The following TMEM87A variants were observed in gnomAD, a reference collection of about 807,000 sequenced individuals.
TMEM87A encodes the protein transmembrane protein 87A, also known as Golgi-pH regulating cation channel.
In TMEM87A, 50 loss-of-function variants were observed where a neutral mutation model predicts 90.0. The observed-to-expected ratio is 0.56, with a 90% CI of 0.44 to 0.70. The LOEUF is 0.70. Among genes scored for constraint, TMEM87A ranks in the 30% least tolerant of loss-of-function variants. The pLI is 0.00. For missense variants in TMEM87A, 577 were observed against 660.5 expected (o/e 0.87, Z 1.39); for synonymous variants, 226 against 226.7 (o/e 1.00, Z 0.03).
chr15:42,229,999 T>C (rs2050661335), intron 12 of TMEM87A, among the ~76,000 whole-genome samples: 1 of 152,158 alleles, frequency 6.6e-6, no homozygotes, highest in Admixed American at 6.5e-5. Flanking sequence ...TGAATTTTTG[T>C]ATTTTTTGTA....
intron 12 of TMEM87A, 140 bp from the exon 13 acceptor site, chr15:42,228,960 T>C: frequency 3.6e-6 from 2 of 562,234 alleles, no homozygotes; most frequent in South Asian, 4.8e-5. Context: ...TTATTCTCAC[T>C]TAATCTCACA....
intron 12 of TMEM87A, among the ~76,000 whole-genome samples, chr15:42,229,470 T>C (rs985800381): frequency 6.6e-6 from 1 of 151,288 alleles, no homozygotes; most frequent in Non-Finnish European, 1.5e-5. Flanking sequence ...GAAGATAAAG[T>C]GAACATGAGT....
chr15:42,211,501 C>T lies in TMEM87A; in HGVS notation c.*207G>A, dbSNP rs979655862. On this transcript the variant is annotated 3_prime_UTR_variant, in exon 20 of 20. Coordinates refer to ENST00000389834, the MANE Select transcript of TMEM87A (RefSeq NM_015497.5). Reference sequence around the variant, plus strand: ...GCAGCAGTGTTGTAAATAAGAAGCTCGTAGATTTTTCTCATCTTATGAACT... The same window carrying T: ...GCAGCAGTGTTGTAAATAAGAAGCTTGTAGATTTTTCTCATCTTATGAACT... 7 of 509,094 alleles carry T rather than the reference C, an allele frequency of 1.4e-5. No individual in the cohort carries two copies. Among genetic ancestry groups the T allele is most frequent in the Middle Eastern group, 3.6e-4 (1 of 2,766 alleles). 31.5% of individuals were successfully genotyped at this position (509,094 alleles called of 1,614,324 possible). A position where few individuals can be genotyped will look rare whatever the true frequency, so the allele number is the denominator to read the frequency against.
chr15:42,219,468 A>C (rs1365610755), intron 17 of TMEM87A, 113 bp downstream of exon 17: 2 of 844,174 alleles, frequency 2.4e-6, no homozygotes, highest in Non-Finnish European at 3.6e-6. Flanking sequence ...TACAAAAAAA[A>C]ATCATTGCCA....
intron 19 of TMEM87A, among the ~76,000 whole-genome samples, chr15:42,217,114 C>T (rs999948987): frequency 5.9e-5 from 9 of 151,892 alleles, no homozygotes; most frequent in South Asian, 2.1e-4. Flanking sequence ...CCACCATCTC[C>T]GGCTAATTTT....
In TMEM87A at chr15:42,232,709, T is replaced by C. The variant is rs576673633; in HGVS notation, c.1062+504A>G. Reference sequence around the variant, plus strand: ...ATGTTAGCCAGGATGGTCTTGATCTTCTGACCTAGTGATCCGCCTGCCTCG... The same window carrying C: ...ATGTTAGCCAGGATGGTCTTGATCTCCTGACCTAGTGATCCGCCTGCCTCG... On this transcript the variant is annotated intron_variant, in intron 11 of 19. Coordinates refer to ENST00000389834, the MANE Select transcript of TMEM87A (RefSeq NM_015497.5). Among the ~76,000 whole-genome samples the C allele has an allele frequency of 1.8e-3, 271 of 151,964 alleles. 2 individuals are homozygous for C. In the East Asian group the frequency reaches 0.046, roughly 26 times the overall value.
At chr15:42,243,288 A>G (rs2050907064) in intron 7 of TMEM87A, among the ~76,000 whole-genome samples, 1 of 78,360 alleles carries the variant, frequency 1.3e-5, no homozygotes, top group African/African-American at 3.5e-5. Context: ...AAATAAATAA[A>G]TAAATAAATA....
rs759547423 is a variant in TMEM87A, at chr15:42,237,449, C to T, written c.851G>A (p.Arg284Gln). The T allele has an allele frequency of 6.9e-5, 112 of 1,613,806 alleles. No homozygotes were observed. Among genetic ancestry groups the T allele is most frequent in the Non-Finnish European group, 8.1e-5 (95 of 1,179,964 alleles). ...AVFYAEFQNIRYKGESVQGAL... is the reference protein window; with the variant it reads ...AVFYAEFQNIQYKGESVQGAL... Reference sequence around the variant, plus strand: ...TTACTTACCAGATTCTCCTTTGTATCGGATATTCTGAAATTCCGCATAGAA... The same window carrying T: ...TTACTTACCAGATTCTCCTTTGTATTGGATATTCTGAAATTCCGCATAGAA... The change falls in exon 9 of 20, where the codon CGA (arginine) becomes CAA (glutamine). Residue 284 changes from arginine (R) to glutamine (Q), a missense_variant. Coordinates refer to ENST00000389834, the MANE Select transcript of TMEM87A (RefSeq NM_015497.5).
At chr15:42,272,344 A>T (rs1442099504) in intron 1 of TMEM87A, among the ~76,000 whole-genome samples, 2 of 152,250 alleles carry the variant, frequency 1.3e-5, no homozygotes, top group Non-Finnish European at 2.9e-5. Context: ...TTTATTTTCA[A>T]ATCTAAAAAG....
chr15:42,240,766 T>C (rs190762417), intron 7 of TMEM87A, among the ~76,000 whole-genome samples: 26 of 152,312 alleles, frequency 1.7e-4, no homozygotes, highest in African/African-American at 6.0e-4. Flanking sequence ...TAGCTTCTGA[T>C]ATACCATTAT....
In TMEM87A at chr15:42,211,505, G is replaced by T; in HGVS notation, c.*203C>A. On this transcript the variant is annotated 3_prime_UTR_variant, in exon 20 of 20. Transcript: ENST00000389834. ...CAGTGTTGTAAATAAGAAGCTCGTAGATTTTTCTCATCTTATGAACTTGTT... is the reference window on the plus strand; with the variant it reads ...CAGTGTTGTAAATAAGAAGCTCGTATATTTTTCTCATCTTATGAACTTGTT... 1 of 522,774 alleles carries T rather than the reference G, an allele frequency of 1.9e-6. No homozygotes were observed. The highest frequency in any genetic ancestry group is 3.3e-5 in the Admixed American group (1 of 30,406). The allele number at this position is 522,774 out of a possible 1,614,324, so 32.4% of individuals were successfully genotyped here.
chr15:42,273,318 G>A lies in TMEM87A; in HGVS notation c.81C>T (p.Phe27=), dbSNP rs368577068. 1.2e-6 allele frequency: 2 copies of A among 1,614,098 alleles called. No homozygotes were observed. Among genetic ancestry groups the A allele is most frequent in the Non-Finnish European group, 1.7e-6 (2 of 1,180,036 alleles). Residue 27 remains phenylalanine, a synonymous_variant, in exon 1 of 20, where the codon TTC becomes TTT. Coordinates refer to ENST00000389834, the MANE Select transcript of TMEM87A (RefSeq NM_015497.5). ...LGAHPSPLSF[F]SAGPATVAAA... ...CAGCTACGGTTGCCGGTCCCGCACT[G>A]AAAAACGACAGTGGTGACGGGTGAG... is the stretch of plus-strand genomic sequence containing the variant.
At chr15:42,216,873 A>G (rs941855214) in intron 19 of TMEM87A, among the ~76,000 whole-genome samples, 4 of 152,124 alleles carry the variant, frequency 2.6e-5, no homozygotes, top group African/African-American at 9.7e-5. Flanking sequence ...AAACAAAAAC[A>G]AACAAACAAA....
chr15:42,245,923 T>C lies in TMEM87A; in HGVS notation c.505-1756A>G, dbSNP rs2050963990. Reference sequence around the variant, plus strand: ...AGGTAAATTTTACACAACATAAAATTCACAATTTTAATGCGTATAAATCAA... The same window carrying C: ...AGGTAAATTTTACACAACATAAAATCCACAATTTTAATGCGTATAAATCAA... On this transcript the variant is annotated intron_variant, in intron 6 of 19. Transcript: ENST00000389834. 4.6e-5 allele frequency among the ~76,000 whole-genome samples: 7 copies of C among 152,168 alleles called. No homozygotes were observed. In the South Asian group the frequency reaches 1.4e-3, roughly 31 times the overall value.
chr15:42,237,009 C>G (rs1712409), intron 9 of TMEM87A, among the ~76,000 whole-genome samples: 142,782 of 152,266 alleles, frequency 0.94, 67,409 homozygotes, highest in Non-Finnish European at 1. Context: ...CTCCTATTTT[C>G]TTGATATGAC....
intron 3 of TMEM87A, among the ~76,000 whole-genome samples, chr15:42,267,617 A>G (rs1366737049): frequency 6.6e-6 from 1 of 152,240 alleles, no homozygotes; most frequent in East Asian, 1.9e-4. Context: ...TTTTCTGGGA[A>G]AAACAGTTAT....
At chr15:42,270,556 A>C (rs2051501585) in intron 2 of TMEM87A, among the ~76,000 whole-genome samples, 2 of 152,174 alleles carry the variant, frequency 1.3e-5, no homozygotes, top group African/African-American at 4.8e-5. Context: ...AGATCGTACC[A>C]CTGCACTCCA....
intron 8 of TMEM87A, among the ~76,000 whole-genome samples, chr15:42,238,884 G>A (rs12915946): frequency 0.94 from 142,419 of 151,840 alleles, 67,250 homozygotes; most frequent in Non-Finnish European, 1. Context: ...ACAACAAAAC[G>A]GGAAAACTAT....
intron 2 of TMEM87A, among the ~76,000 whole-genome samples, chr15:42,270,489 G>C (rs7169135): frequency 0.72 from 108,082 of 150,638 alleles, 41,513 homozygotes; most frequent in Non-Finnish European, 0.86. Context: ...CCAGCTACTC[G>C]GGAGGCTGAG....
Sources: gnomAD v4.1 joint callset for allele counts (sites outside exome capture counted in the v4.1 genomes callset) on GRCh38, gnomAD v4.1.1 for gene constraint, MANE v1.5 for transcripts, NCBI Gene and HGNC (gene_info 2026-07-23, HGNC 2026-07-21) for gene names.